SIMC1: variants seen among roughly 807,000 people sequenced by gnomAD.
SIMC1 encodes the protein SUMO-interacting motif-containing protein 1.
SIMC1 carries 55 observed loss-of-function variants against 82.3 expected under a neutral mutation model. The ratio of observed to expected loss-of-function variants is 0.67; its 90% confidence interval spans 0.54 to 0.84. The LOEUF (loss-of-function observed/expected upper bound fraction) is 0.84, where lower values mean the gene tolerates loss of function less well. Among genes scored for constraint, SIMC1 ranks in the 40% least tolerant of loss-of-function variants. SIMC1 has a pLI of 0.00. For synonymous variants in SIMC1, 353 were observed against 426.3 expected (o/e 0.83, Z 2.12); for missense variants, 915 against 1,107.2 (o/e 0.83, Z 2.46).
At chr5:176,267,733 GTTTTT>G (rs1159766316) in intron 1 of SIMC1, among the ~76,000 whole-genome samples, 1 of 27,236 alleles carries the variant, frequency 3.7e-5, no homozygotes, top group East Asian at 1.5e-3. Flanking sequence ...TTTTCTTTCT[GTTTTT>G]TTTTTTTTTT....
At chr5:176,285,049 A>T (rs1763204166) in intron 1 of SIMC1, among the ~76,000 whole-genome samples, 2 of 152,236 alleles carry the variant, frequency 1.3e-5, no homozygotes, top group Admixed American at 6.5e-5. Flanking sequence ...GCCAAATTCT[A>T]CCAGAGGTAC....
chr5:176,324,792 T>TA (rs142932031), intron 7 of SIMC1, 35 bp downstream of exon 7: 14,937 of 1,276,434 alleles, frequency 0.012, 5 homozygotes, highest in South Asian at 0.035. Context: ...AGCAGTTATT[T>TA]AAAAAAAAAA....
chr5:176,257,641 C>T (rs1000037761), intron 1 of SIMC1, among the ~76,000 whole-genome samples: 6 of 152,138 alleles, frequency 3.9e-5, no homozygotes, highest in African/African-American at 1.4e-4. Flanking sequence ...CACCTCCAAC[C>T]TTGGGGATTA....
chr5:176,335,402 A>T (rs2113406517), intron 7 of SIMC1, among the ~76,000 whole-genome samples: 1 of 148,376 alleles, frequency 6.7e-6, no homozygotes, highest in African/African-American at 2.5e-5. Flanking sequence ...TCAGCCTCCC[A>T]AGTAGCTGGG....
chr5:176,345,122 CTTCTT>C, intron 9 of SIMC1, 56 bp from the exon 10 acceptor site: 19 of 1,548,632 alleles, frequency 1.2e-5, no homozygotes, highest in Non-Finnish European at 1.5e-5. Flanking sequence ...CAAAATTAGA[CTTCTT>C]AAAAAGAATT....
intron 7 of SIMC1, among the ~76,000 whole-genome samples, chr5:176,336,161 A>G (rs1765884349): frequency 6.6e-6 from 1 of 151,980 alleles, no homozygotes. Context: ...TCCTGCGTTG[A>G]GCCTTTTTTG....
intron 7 of SIMC1, among the ~76,000 whole-genome samples, chr5:176,326,159 C>G (rs1188014558): frequency 6.6e-6 from 1 of 152,178 alleles, no homozygotes; most frequent in Non-Finnish European, 1.5e-5. Flanking sequence ...GTCTTCAGTG[C>G]ATCTCCACCA....
At chr5:176,291,783 C>T (rs1469777808) in intron 2 of SIMC1, among the ~76,000 whole-genome samples, 2 of 152,180 alleles carry the variant, frequency 1.3e-5, no homozygotes, top group African/African-American at 4.8e-5. Flanking sequence ...CAGCAGGGCA[C>T]TTTACCTTTT....
intron 4 of SIMC1, among the ~76,000 whole-genome samples, chr5:176,297,227 G>C (rs544018846): frequency 6.6e-6 from 1 of 152,320 alleles, no homozygotes; most frequent in South Asian, 2.1e-4. Flanking sequence ...GAGGCCAGGC[G>C]TGGTGGCTCA....
chr5:176,341,778 T>TGAA (rs1372117364), intron 9 of SIMC1, among the ~76,000 whole-genome samples: 3 of 149,314 alleles, frequency 2.0e-5, no homozygotes, highest in African/African-American at 7.4e-5. Context: ...ATGATGATGA[T>TGAA]GAAATAATAA....
At chr5:176,276,904 A>T (rs1327121240) in intron 1 of SIMC1, among the ~76,000 whole-genome samples, 1 of 150,214 alleles carries the variant, frequency 6.7e-6, no homozygotes, top group Non-Finnish European at 1.5e-5. Flanking sequence ...GCCGCAGTAA[A>T]CATACGTGTA....
At chr5:176,322,115 G>A (rs1374163021) in intron 5 of SIMC1, among the ~76,000 whole-genome samples, 158 bp from the exon 6 acceptor site, 1 of 151,852 alleles carries the variant, frequency 6.6e-6, no homozygotes. Context: ...GGGCCCTTTT[G>A]TTGCCTGTAG....
At chr5:176,286,836 C>T (rs1258630612) in intron 1 of SIMC1, among the ~76,000 whole-genome samples, 2 of 152,194 alleles carry the variant, frequency 1.3e-5, no homozygotes, top group Admixed American at 6.5e-5. Flanking sequence ...ACAGATACTT[C>T]TCAAAAGAAG....
rs1351367957 is a variant in SIMC1 at position 176,295,162 on chromosome 5, A to G, written c.1564A>G (p.Arg522Gly). 6 of 1,613,448 alleles carry G rather than the reference A, an allele frequency of 3.7e-6. No individual in the cohort carries two copies. Among genetic ancestry groups the G allele is most frequent in the African/African-American group, 1.3e-5 (1 of 74,834 alleles). The change falls in exon 3 of 10, where the codon AGA becomes GGA. Residue 522 changes from arginine (R) to glycine (G), a missense_variant. By Grantham distance (125) the Arg-to-Gly change is moderately radical (BLOSUM62 -2). Coordinates refer to ENST00000429602, the MANE Select transcript of SIMC1 (RefSeq NM_001308195.2). ...TGTGTCACCCCAGCATTACCCACCA[A>G]GAGAAATCGTGGCTCACATCATCCA... ...DFVSPQHYPP[R>G]EIVAHIIQKI... is the part of the protein sequence containing the mutation.
At chr5:176,276,239 G>T (rs1206830589) in intron 1 of SIMC1, among the ~76,000 whole-genome samples, 1 of 151,562 alleles carries the variant, frequency 6.6e-6, no homozygotes, top group Non-Finnish European at 1.5e-5. Context: ...ATTTCTTCTA[G>T]ATTTTCTAGT....
intron 7 of SIMC1, among the ~76,000 whole-genome samples, chr5:176,330,446 AACTC>A (rs909900505): frequency 6.6e-6 from 1 of 152,044 alleles, no homozygotes; most frequent in African/African-American, 2.4e-5. Context: ...AGGAATGACT[AACTC>A]CAGAACTGTG....
chr5:176,260,676 CTTTT>C (rs1243751555), intron 1 of SIMC1, among the ~76,000 whole-genome samples: 1 of 151,918 alleles, frequency 6.6e-6, no homozygotes, highest in Non-Finnish European at 1.5e-5. Flanking sequence ...AGTAATATGT[CTTTT>C]TTTATTTTAA....
intron 1 of SIMC1, among the ~76,000 whole-genome samples, chr5:176,282,774 G>C (rs1244706051): frequency 2.6e-5 from 4 of 152,196 alleles, no homozygotes; most frequent in Admixed American, 6.5e-5. Context: ...TAAAAACCTT[G>C]AGAAAAGATT....
At chr5:176,260,556 C>T (rs1761980811) in intron 1 of SIMC1, among the ~76,000 whole-genome samples, 1 of 151,780 alleles carries the variant, frequency 6.6e-6, no homozygotes, top group African/African-American at 2.4e-5. Flanking sequence ...ATGATGAATC[C>T]TCTTGCATGG....
Sources: gnomAD v4.1 joint callset for allele counts (sites outside exome capture counted in the v4.1 genomes callset) on GRCh38, gnomAD v4.1.1 for gene constraint, MANE v1.5 for transcripts, NCBI Gene and HGNC (gene_info 2026-07-23, HGNC 2026-07-21) for gene names.